The following LRPPRC variants were observed in gnomAD, a reference collection of about 807,000 sequenced individuals.
LRPPRC encodes the protein leucine-rich PPR motif-containing protein, mitochondrial.
Under a neutral mutation model 180.3 loss-of-function variants are expected in LRPPRC, and 120 were observed. The observed-to-expected ratio is 0.67, with a 90% CI of 0.57 to 0.77. The LOEUF is 0.77. LRPPRC is among the 30% of genes least tolerant of loss of function. LRPPRC has a pLI of 0.00. For synonymous variants in LRPPRC, 723 were observed against 600.0 expected, an observed-to-expected ratio of 1.21 and a Z score of -3.00; for missense variants, 2,012 against 1,657.2, an observed-to-expected ratio of 1.21 and a Z score of -3.72.
At chr2:43,947,620 A>G in intron 19 of LRPPRC, 111 bp downstream of exon 19, 2 of 764,648 alleles carry the variant, frequency 2.6e-6, no homozygotes, top group Non-Finnish European at 4.7e-6. Flanking sequence ...TCTTAGAGGT[A>G]TACAAGATGA....
chr2:43,975,784 T>C (rs897699365), intron 6 of LRPPRC, among the ~76,000 whole-genome samples: 2 of 152,014 alleles, frequency 1.3e-5, no homozygotes, highest in Admixed American at 6.6e-5. Flanking sequence ...GGTTTCACCA[T>C]GTTGGCCAAG....
intron 23 of LRPPRC, among the ~76,000 whole-genome samples, chr2:43,935,816 T>C (rs1672254677): frequency 6.6e-6 from 1 of 152,166 alleles, no homozygotes; most frequent in South Asian, 2.1e-4. Context: ...ATGAGAAATA[T>C]TTAAGACCTT....
At position 43,943,889 on chromosome 2, in the gene LRPPRC, T is replaced by C. The variant is rs751811633; in HGVS notation, c.2302A>G (p.Ile768Val). 1.2e-6 allele frequency: 2 copies of C among 1,610,226 alleles called. No homozygotes were observed. The highest frequency in any genetic ancestry group is 2.2e-5 in the South Asian group (2 of 90,982). ...LAKHGKLQDA[I>V]NILKEMKEKD... is the part of the protein sequence containing the mutation. The stretch of plus-strand genomic sequence containing the variant: ...TCTTTCATCTCCTTCAGAATGTTAA[T>C]AGCATCTACAATGAAGTAACACAAA... Residue 768 changes from isoleucine to valine, a missense_variant, in exon 23 of 38, where the codon ATT becomes GTT. Transcript: ENST00000260665.
At chr2:43,889,608 C>A (rs1558884031) in intron 37 of LRPPRC, 126 bp downstream of exon 37, 1 of 840,596 alleles carries the variant, frequency 1.2e-6, no homozygotes, top group African/African-American at 1.7e-5. Flanking sequence ...AAGCCATCCC[C>A]TGAGGGCTCT....
chr2:43,995,323 G>A (rs1205859527), intron 1 of LRPPRC, among the ~76,000 whole-genome samples: 2 of 152,286 alleles, frequency 1.3e-5, no homozygotes, highest in East Asian at 3.9e-4. Flanking sequence ...GTCATCCGTG[G>A]CTCACCCAAA....
chr2:43,965,245 G>T (rs1165451972), intron 11 of LRPPRC, among the ~76,000 whole-genome samples: 1 of 152,080 alleles, frequency 6.6e-6, no homozygotes, highest in African/African-American at 2.4e-5. Flanking sequence ...CGTGATCCTA[G>T]AGATGGGGTT....
At chr2:43,994,067 T>C (rs929232081) in intron 1 of LRPPRC, among the ~76,000 whole-genome samples, 12 of 151,122 alleles carry the variant, frequency 7.9e-5, no homozygotes, top group Non-Finnish European at 1.5e-4. Context: ...AATGCAACAG[T>C]GAAGATAAAA....
chr2:43,969,834 T>C (rs550585742), intron 11 of LRPPRC, among the ~76,000 whole-genome samples: 1 of 152,124 alleles, frequency 6.6e-6, no homozygotes, highest in East Asian at 1.9e-4. Flanking sequence ...GCCACCTCGC[T>C]CGGCTAATTT....
intron 27 of LRPPRC, among the ~76,000 whole-genome samples, chr2:43,923,090 C>A (rs1427745772): frequency 1.4e-5 from 2 of 141,988 alleles, no homozygotes; most frequent in Non-Finnish European, 3.0e-5. Flanking sequence ...AAATTAAGGA[C>A]AAGAAAATAG....
intron 1 of LRPPRC, among the ~76,000 whole-genome samples, chr2:43,993,439 C>T (rs980996040): frequency 1.3e-5 from 2 of 151,986 alleles, no homozygotes; most frequent in African/African-American, 4.8e-5. Flanking sequence ...CCTTTGACAG[C>T]GGTGTGACTG....
chr2:43,964,490 T>C (rs1384270192), intron 11 of LRPPRC, among the ~76,000 whole-genome samples: 6 of 152,146 alleles, frequency 3.9e-5, no homozygotes, highest in Non-Finnish European at 8.8e-5. Flanking sequence ...CTTCATTACT[T>C]TCACATTATT....
intron 27 of LRPPRC, among the ~76,000 whole-genome samples, chr2:43,920,364 G>A (rs908027478): frequency 3.3e-5 from 5 of 152,172 alleles, no homozygotes; most frequent in Non-Finnish European, 7.3e-5. Context: ...TTGAACCCCT[G>A]ACCTCAAGCA....
At chr2:43,921,815 C>T (rs1671710123) in intron 27 of LRPPRC, among the ~76,000 whole-genome samples, 2 of 152,114 alleles carry the variant, frequency 1.3e-5, no homozygotes, top group Admixed American at 1.3e-4. Flanking sequence ...AATGGCTATA[C>T]ATACTTGAAG....
At chr2:43,889,640 G>T in intron 37 of LRPPRC, 94 bp downstream of exon 37, 1 of 1,042,596 alleles carries the variant, frequency 9.6e-7, no homozygotes, top group Non-Finnish European at 1.5e-6. Flanking sequence ...TAATCCTCAT[G>T]TAATTAAGTC....
Position 43,918,066 on chromosome 2 carries a change from T to C in LRPPRC, c.3107A>G (p.Gln1036Arg). The C allele has an allele frequency of 6.2e-7, 1 of 1,613,768 alleles. No individual in the cohort carries two copies. Among genetic ancestry groups the C allele is most frequent in the Non-Finnish European group, 8.5e-7 (1 of 1,179,924 alleles). The change falls in exon 29 of 38, where the codon CAG (glutamine) becomes CGG (arginine). Residue 1036 changes from glutamine (Q) to arginine (R), a missense_variant. Gln to Arg is a conservative substitution (Grantham distance 43). Transcript: ENST00000260665. Reference sequence around the variant, plus strand: ...TCGGCAGGCAATCAATATATCTTTCTGGAAATCAGGTTCTGTGGTTGAGGC... The same window carrying C: ...TCGGCAGGCAATCAATATATCTTTCCGGAAATCAGGTTCTGTGGTTGAGGC... Reference protein sequence around the residue: ...SSASTTEPDFQKDILIACRLN... With the variant: ...SSASTTEPDFRKDILIACRLN...
rs1673362224 is a variant in LRPPRC, at chr2:43,961,896, G to A, written c.1489-1262C>T. Among the ~76,000 whole-genome samples, 4 of 152,270 alleles carry A rather than the reference G, an allele frequency of 2.6e-5. No homozygotes were observed. The South Asian group carries it at 8.3e-4, about 32-fold the overall frequency. On this transcript the variant is annotated intron_variant, in intron 12 of 37. Coordinates refer to ENST00000260665, the MANE Select transcript of LRPPRC (RefSeq NM_133259.4). ...GAATCGCTTGAACCGGTAGGCAGAG[G>A]AGGTTGCAATGAGACCAGATCGCAC...
chr2:43,969,489 G>A (rs1673710572), intron 11 of LRPPRC, among the ~76,000 whole-genome samples: 2 of 151,726 alleles, frequency 1.3e-5, no homozygotes, highest in South Asian at 4.1e-4. Flanking sequence ...AAGCCTACAT[G>A]TTTTTCCTGC....
At chr2:43,950,199 T>C (rs779589634) in intron 15 of LRPPRC, among the ~76,000 whole-genome samples, 7 of 150,688 alleles carry the variant, frequency 4.6e-5, no homozygotes, top group Admixed American at 1.3e-4. Context: ...TCTATTCTCA[T>C]GGATTCTTTT....
At chr2:43,953,367 G>GTA (rs577291749) in intron 14 of LRPPRC, among the ~76,000 whole-genome samples, 143 of 152,242 alleles carry the variant, frequency 9.4e-4, no homozygotes, top group Non-Finnish European at 1.8e-3. Context: ...TTAACCAATG[G>GTA]TATACAGTTT....
Sources: gnomAD v4.1 joint callset for allele counts (sites outside exome capture counted in the v4.1 genomes callset) on GRCh38, gnomAD v4.1.1 for gene constraint, MANE v1.5 for transcripts, NCBI Gene and HGNC (gene_info 2026-07-23, HGNC 2026-07-21) for gene names.